EDIL3: variants seen among roughly 807,000 people sequenced by gnomAD.
EDIL3 encodes the protein EGF-like repeat and discoidin I-like domain-containing protein 3.
EDIL3 carries 37 observed loss-of-function variants against 67.4 expected under a neutral mutation model. The observed-to-expected ratio is 0.55, with a 90% CI of 0.42 to 0.72. EDIL3 has a LOEUF of 0.72. EDIL3 is among the 30% of genes least tolerant of loss of function. The pLI is 0.00. For missense variants in EDIL3, 527 were observed against 586.3 expected, an observed-to-expected ratio of 0.90 and a Z score of 1.04; for synonymous variants, 195 against 196.3, an observed-to-expected ratio of 0.99 and a Z score of 0.05.
chr5:84,007,185 A>C (rs1745433413), intron 9 of EDIL3, among the ~76,000 whole-genome samples: 1 of 152,136 alleles, frequency 6.6e-6, no homozygotes, highest in South Asian at 2.1e-4. Context: ...AACTACTAAA[A>C]GCAAATATTG....
chr5:84,083,588 AAC>A (rs1455404248), intron 6 of EDIL3, among the ~76,000 whole-genome samples: 3 of 151,800 alleles, frequency 2.0e-5, no homozygotes, highest in African/African-American at 7.2e-5. Context: ...TAGCTAACAT[AAC>A]CTTGGGCATT....
At chr5:84,047,081 T>C (rs1746237344) in intron 9 of EDIL3, among the ~76,000 whole-genome samples, 1 of 152,184 alleles carries the variant, frequency 6.6e-6, no homozygotes, top group Non-Finnish European at 1.5e-5. Context: ...CTTATTTTAA[T>C]TCAAAAAGTA....
chr5:83,964,225 T>C (rs1744653933), intron 9 of EDIL3, among the ~76,000 whole-genome samples: 1 of 151,988 alleles, frequency 6.6e-6, no homozygotes. Flanking sequence ...TCCTGCATTT[T>C]TTCACATCTT....
chr5:84,265,419 T>G (rs533053734), intron 1 of EDIL3, among the ~76,000 whole-genome samples: 16 of 152,306 alleles, frequency 1.1e-4, no homozygotes, highest in African/African-American at 3.8e-4. Flanking sequence ...TCACAAAAAT[T>G]AAAAGTGGTA....
intron 3 of EDIL3, among the ~76,000 whole-genome samples, chr5:84,213,433 TG>T (rs1383515101): frequency 3.3e-5 from 5 of 152,242 alleles, no homozygotes; most frequent in African/African-American, 1.2e-4. Context: ...AGTCTTAAGC[TG>T]TCCTTTAAAG....
At chr5:83,966,658 T>C (rs1197305425) in intron 9 of EDIL3, among the ~76,000 whole-genome samples, 1 of 152,022 alleles carries the variant, frequency 6.6e-6, no homozygotes, top group Non-Finnish European at 1.5e-5. Flanking sequence ...AACTTCCTGA[T>C]CTGAGAAATG....
At chr5:84,307,887 A>G (rs1561252320) in intron 1 of EDIL3, among the ~76,000 whole-genome samples, 2 of 152,202 alleles carry the variant, frequency 1.3e-5, no homozygotes, top group African/African-American at 4.8e-5. Flanking sequence ...GTTTGAAAAT[A>G]GTTACTAGGG....
At chr5:84,382,352 G>C (rs1226151220) in intron 1 of EDIL3, among the ~76,000 whole-genome samples, 2 of 152,168 alleles carry the variant, frequency 1.3e-5, no homozygotes, top group East Asian at 3.9e-4. Flanking sequence ...CAGAGCTCCT[G>C]GCTGCAGCGA....
chr5:84,000,565 CA>C (rs895037766), intron 9 of EDIL3, among the ~76,000 whole-genome samples: 138 of 146,504 alleles, frequency 9.4e-4, no homozygotes, highest in Non-Finnish European at 1.5e-3. Context: ...AAAACACCTA[CA>C]AAAAAAAAGA....
intron 3 of EDIL3, among the ~76,000 whole-genome samples, chr5:84,228,163 A>G (rs1744490288): frequency 6.6e-6 from 1 of 152,046 alleles, no homozygotes; most frequent in South Asian, 2.1e-4. Context: ...TGGACAACAC[A>G]GGCCTGGAGT....
intron 4 of EDIL3, among the ~76,000 whole-genome samples, chr5:84,150,500 G>A (rs1748370451): frequency 6.6e-6 from 1 of 152,072 alleles, no homozygotes; most frequent in Non-Finnish European, 1.5e-5. Context: ...GTTCCTAAAA[G>A]AATATACATA....
chr5:84,357,643 C>T (rs1039565676), intron 1 of EDIL3, among the ~76,000 whole-genome samples: 1 of 152,028 alleles, frequency 6.6e-6, no homozygotes, highest in Non-Finnish European at 1.5e-5. Flanking sequence ...AATCCCAGCA[C>T]GTGGGAAGGC....
At chr5:84,141,303 A>C in intron 4 of EDIL3, among the ~76,000 whole-genome samples, 1 of 150,926 alleles carries the variant, frequency 6.6e-6, no homozygotes, top group East Asian at 1.9e-4. Flanking sequence ...CTTTATAATC[A>C]AGACAGTCAG....
chr5:84,243,687 T>C (rs2112062439), intron 2 of EDIL3, among the ~76,000 whole-genome samples: 1 of 152,302 alleles, frequency 6.6e-6, no homozygotes, highest in Non-Finnish European at 1.5e-5. Context: ...AGAAAACAAA[T>C]ATCTTTACTG....
chr5:84,096,215 CA>C (rs1180586133), intron 6 of EDIL3, among the ~76,000 whole-genome samples: 1 of 152,144 alleles, frequency 6.6e-6, no homozygotes, highest in African/African-American at 2.4e-5. Context: ...AGAAGAGGGC[CA>C]CCATCCTAGA....
chr5:84,305,439 T>C (rs1746245677), intron 1 of EDIL3, among the ~76,000 whole-genome samples: 1 of 152,226 alleles, frequency 6.6e-6, no homozygotes, highest in Non-Finnish European at 1.5e-5. Flanking sequence ...TCTATTGTCA[T>C]TGATCCCAGG....
At chr5:84,334,775 T>C (rs1401199742) in intron 1 of EDIL3, among the ~76,000 whole-genome samples, 1 of 152,158 alleles carries the variant, frequency 6.6e-6, no homozygotes, top group Non-Finnish European at 1.5e-5. Flanking sequence ...TAAAGTCATA[T>C]CTTCTTTTAA....
intron 1 of EDIL3, among the ~76,000 whole-genome samples, chr5:84,352,995 GA>G (rs1747394470): frequency 6.6e-6 from 1 of 152,108 alleles, no homozygotes; most frequent in Non-Finnish European, 1.5e-5. Context: ...GGCAGACATT[GA>G]GTAGGGTACT....
At chr5:84,262,734 T>C (rs1745259429) in intron 1 of EDIL3, among the ~76,000 whole-genome samples, 3 of 140,734 alleles carry the variant, frequency 2.1e-5, no homozygotes, top group Non-Finnish European at 4.6e-5. Flanking sequence ...TGCAGTAGTA[T>C]GATCTTGGCT....
Sources: gnomAD v4.1 joint callset for allele counts (sites outside exome capture counted in the v4.1 genomes callset) on GRCh38, gnomAD v4.1.1 for gene constraint, MANE v1.5 for transcripts, NCBI Gene and HGNC (gene_info 2026-07-23, HGNC 2026-07-21) for gene names.